Variants in ARPC2 observed in about 807,000 individuals in gnomAD.
The protein encoded by ARPC2 is actin related protein 2/3 complex subunit 2.
A neutral mutation model predicts 38.6 loss-of-function variants in ARPC2; 4 were observed. The ratio of observed to expected loss-of-function variants is 0.10; its 90% CI spans 0.05 to 0.24. The LOEUF is 0.24. Ranked by LOEUF, ARPC2 falls within the 10% of genes least tolerant of loss-of-function variation. The pLI is 1.00. For synonymous variants in ARPC2, 125 were observed against 140.8 expected, an observed-to-expected ratio of 0.89 and a Z score of 0.79; for missense variants, 229 against 387.3, an observed-to-expected ratio of 0.59 and a Z score of 3.43.
chr2:218,253,854 C>T (rs1690251608), intron 10 of ARPC2, 37 bp from the exon 11 acceptor site: 2 of 1,611,374 alleles, frequency 1.2e-6, no homozygotes, highest in East Asian at 4.5e-5. Flanking sequence ...AAAGGGCAGC[C>T]AGAAACTGAC....
chr2:218,229,590 T>C (rs1043265597), intron 4 of ARPC2, among the ~76,000 whole-genome samples: 5 of 152,260 alleles, frequency 3.3e-5, no homozygotes, highest in African/African-American at 1.2e-4. Context: ...AATGAAGATA[T>C]AACCATAGCT....
At position 218,228,730 on chromosome 2, in the gene ARPC2, C is replaced by A; in HGVS notation, c.110-8C>A. 1 of 1,517,548 alleles carries A rather than the reference C, an allele frequency of 6.6e-7. No homozygotes were observed. Among genetic ancestry groups the A allele is most frequent in the Non-Finnish European group, 9.1e-7 (1 of 1,092,984 alleles). 94.0% of individuals were successfully genotyped at this position (1,517,548 alleles called of 1,614,324 possible). A position where few individuals can be genotyped will look rare whatever the true frequency, so the allele number is the denominator to read the frequency against. ...ATTGTTACGCAATCTTATTTGCTTT[C>A]CTCACAGATTTCGATGGGGTCCTCT... On this transcript the variant is annotated splice_region_variant and splice_polypyrimidine_tract_variant and intron_variant, in intron 3 of 10. Coordinates refer to ENST00000315717, the MANE Select transcript of ARPC2 (RefSeq NM_152862.3).
intron 2 of ARPC2, 36 bp from the exon 3 acceptor site, chr2:218,225,884 G>A (rs1303796392): frequency 6.2e-7 from 1 of 1,610,336 alleles, no homozygotes; most frequent in Non-Finnish European, 8.5e-7. Flanking sequence ...CAGCAATACA[G>A]TCATCTTAAC....
intron 3 of ARPC2, among the ~76,000 whole-genome samples, chr2:218,227,884 C>T (rs1689539949): frequency 6.6e-6 from 1 of 152,204 alleles, no homozygotes; most frequent in Non-Finnish European, 1.5e-5. Flanking sequence ...AGGCTTGAGC[C>T]ACTGTGCCCG....
intron 4 of ARPC2, among the ~76,000 whole-genome samples, chr2:218,230,833 C>T (rs1259818577): frequency 6.6e-6 from 1 of 151,976 alleles, no homozygotes. Context: ...GCCTGGACGA[C>T]ATAGTGAGAT....
intron 3 of ARPC2, among the ~76,000 whole-genome samples, chr2:218,228,386 G>A (rs1411359455): frequency 6.6e-6 from 1 of 151,668 alleles, no homozygotes; most frequent in East Asian, 1.9e-4. Context: ...CTGGGTGACA[G>A]AGTAAGACTC....
intron 9 of ARPC2, 168 bp downstream of exon 9, chr2:218,249,632 C>G (rs191748313): frequency 1.2e-5 from 9 of 735,614 alleles, no homozygotes; most frequent in Middle Eastern, 2.4e-4. Flanking sequence ...CCACTGTCCC[C>G]CATCCCTCCC....
rs368620700 is a variant in ARPC2 at position 218,253,939 on chromosome 2, G to A, written c.*24G>A. Reference sequence around the variant, plus strand: ...AATCTTGGGAATAAGAGGAGGAAGCGGCTGGCAACTGAAGGCTGGAACACT... The same window carrying A: ...AATCTTGGGAATAAGAGGAGGAAGCAGCTGGCAACTGAAGGCTGGAACACT... On this transcript the variant is annotated 3_prime_UTR_variant, in exon 11 of 11. Coordinates refer to ENST00000315717, the MANE Select transcript of ARPC2 (RefSeq NM_152862.3). 43 of 1,613,710 alleles carry A rather than the reference G, an allele frequency of 2.7e-5. No homozygotes were observed. The highest frequency in any genetic ancestry group is 1.3e-4 in the African/African-American group (10 of 74,858).
chr2:218,226,829 T>C (rs1689508439), intron 3 of ARPC2, among the ~76,000 whole-genome samples: 1 of 151,908 alleles, frequency 6.6e-6, no homozygotes, highest in South Asian at 2.1e-4. Flanking sequence ...TTTTTTTTAA[T>C]TTGGAAATAT....
chr2:218,225,838 A>G, intron 2 of ARPC2, 82 bp from the exon 3 acceptor site: 1 of 1,325,104 alleles, frequency 7.5e-7, no homozygotes, highest in South Asian at 1.2e-5. Flanking sequence ...TCTTAAGTGA[A>G]GCTCAGGTGC....
chr2:218,240,644 C>T (rs1689890211), intron 7 of ARPC2, among the ~76,000 whole-genome samples: 1 of 152,120 alleles, frequency 6.6e-6, no homozygotes, highest in African/African-American at 2.4e-5. Context: ...GTAATCCCAG[C>T]ACTGTGGGAG....
intron 7 of ARPC2, among the ~76,000 whole-genome samples, chr2:218,240,452 C>T (rs560021016): frequency 7.5e-4 from 114 of 152,166 alleles, no homozygotes; most frequent in Non-Finnish European, 1.5e-3. Context: ...TGGTTTGGTC[C>T]TAAGGTCTTT....
intron 5 of ARPC2, among the ~76,000 whole-genome samples, chr2:218,237,090 G>A (rs1203706831): frequency 6.6e-6 from 1 of 152,138 alleles, no homozygotes; most frequent in Non-Finnish European, 1.5e-5. Flanking sequence ...TCCATGTTCT[G>A]CACCCGTATT....
chr2:218,236,389 T>C (rs1689769531), intron 5 of ARPC2: 1 of 152,122 alleles, frequency 6.6e-6, no homozygotes, highest in Non-Finnish European at 1.5e-5. Context: ...AGAATGATGA[T>C]TGATATTATT....
chr2:218,239,251 A>G, intron 6 of ARPC2, 140 bp from the exon 7 acceptor site: 1 of 636,542 alleles, frequency 1.6e-6, no homozygotes, highest in Non-Finnish European at 2.8e-6. Context: ...TTGACCATAA[A>G]TATCATCTCA....
chr2:218,245,230 C>T (rs530915965), intron 7 of ARPC2, among the ~76,000 whole-genome samples, 190 bp from the exon 8 acceptor site: 4 of 152,262 alleles, frequency 2.6e-5, no homozygotes, highest in East Asian at 3.9e-4. Flanking sequence ...CAGTCTCTCC[C>T]GTTTGAATCT....
intron 7 of ARPC2, among the ~76,000 whole-genome samples, chr2:218,239,729 G>A (rs777307157): frequency 5.9e-5 from 9 of 151,870 alleles, no homozygotes; most frequent in Non-Finnish European, 1.2e-4. Flanking sequence ...GAGTAGCTGG[G>A]ATTGTAGGCA....
intron 3 of ARPC2, 103 bp downstream of exon 3, chr2:218,226,057 G>T: frequency 8.5e-7 from 1 of 1,174,966 alleles, no homozygotes; most frequent in Non-Finnish European, 1.3e-6. Flanking sequence ...CACTTTGGGA[G>T]TCCGAGGCAG....
intron 7 of ARPC2, among the ~76,000 whole-genome samples, chr2:218,239,885 C>G (rs539520580): frequency 6.6e-6 from 1 of 152,122 alleles, no homozygotes; most frequent in South Asian, 2.1e-4. Flanking sequence ...GCCACCATGC[C>G]CAGCCTTGAC....
Sources: allele counts gnomAD v4.1 joint callset (sites outside exome capture counted in the v4.1 genomes callset), GRCh38; gene constraint gnomAD v4.1.1; transcripts MANE v1.5; gene names NCBI Gene and HGNC (gene_info 2026-07-23, HGNC 2026-07-21).